KCNQ1: variants seen among roughly 807,000 people sequenced by gnomAD.
The protein encoded by KCNQ1 is potassium voltage-gated channel subfamily KQT member 1.
KCNQ1 carries 49 observed loss-of-function variants against 72.4 expected under a neutral mutation model. That is an observed-to-expected ratio of 0.68 (90% CI 0.54 to 0.86). The LOEUF (loss-of-function observed/expected upper bound fraction) is 0.86, where lower values mean the gene tolerates loss of function less well. Among genes scored for constraint, KCNQ1 ranks in the 40% least tolerant of loss-of-function variants. The probability of loss-of-function intolerance (pLI) is 0.00; values close to 1 mark genes in which losing one functional copy is unlikely to be tolerated. For synonymous variants in KCNQ1, 450 were observed against 412.6 expected, an observed-to-expected ratio of 1.09 and a Z score of -1.10; for missense variants, 790 against 945.1, an observed-to-expected ratio of 0.84 and a Z score of 2.15.
rs1218172995 is a variant in KCNQ1, at chr11:2,457,054, A to T, written c.386+11570A>T. Among the ~76,000 whole-genome samples, 1 of 152,216 alleles carries T rather than the reference A, an allele frequency of 6.6e-6. No individual in the cohort carries two copies. The highest frequency in any genetic ancestry group is 1.9e-4 in the East Asian group (1 of 5,194). On this transcript the variant is annotated intron_variant, in intron 1 of 15. Coordinates refer to ENST00000155840, the MANE Select transcript of KCNQ1 (RefSeq NM_000218.3). The surrounding 1 kb of genome is among the most constrained non-coding windows in gnomAD (Gnocchi z 5.0). ...CAGTCAAACACATGAAAAAATGCTC[A>T]TCACTGATCATCAGAGAAATGCAAA...
chr11:2,576,788 C>T (rs1034180558), intron 6 of KCNQ1, among the ~76,000 whole-genome samples: 38 of 152,316 alleles, frequency 2.5e-4, no homozygotes, highest in Admixed American at 5.9e-4. Context: ...CACTGCCCAG[C>T]GGGAGGGGTG....
intron 6 of KCNQ1, among the ~76,000 whole-genome samples, chr11:2,580,749 C>T (rs946369078): frequency 1.3e-5 from 2 of 152,230 alleles, no homozygotes; most frequent in Non-Finnish European, 1.5e-5. Flanking sequence ...CCACCTTGGG[C>T]GCTGGTCTGC....
chr11:2,667,641 C>A (rs761500824), intron 11 of KCNQ1: 1 of 398,594 alleles, frequency 2.5e-6, no homozygotes, highest in South Asian at 1.3e-4. Context: ...CTGCTGATAC[C>A]TGAAAGGGGA....
At chr11:2,681,859 G>A in intron 11 of KCNQ1, 1 of 398,532 alleles carries the variant, frequency 2.5e-6, no homozygotes, top group East Asian at 3.6e-5. Flanking sequence ...TACTCCAAAG[G>A]AGGCCCAGCA....
At chr11:2,662,118 G>A in intron 11 of KCNQ1, 37 bp downstream of exon 11, 1 of 1,613,650 alleles carries the variant, frequency 6.2e-7, no homozygotes, top group Non-Finnish European at 8.5e-7. Flanking sequence ...CTGGGCTGGA[G>A]GGGACTGGAG....
intron 1 of KCNQ1, among the ~76,000 whole-genome samples, chr11:2,523,126 G>T (rs1017420851): frequency 2.6e-5 from 4 of 152,294 alleles, no homozygotes; most frequent in African/African-American, 9.6e-5. Context: ...CCTCACCTGC[G>T]GCCTGTGAGT....
At position 2,561,152 on chromosome 11, in the gene KCNQ1, G is replaced by A. The variant is rs568127669; in HGVS notation, c.478-9476G>A. On this transcript the variant is annotated intron_variant, in intron 2 of 15. Coordinates refer to ENST00000155840, the MANE Select transcript of KCNQ1 (RefSeq NM_000218.3). The stretch of plus-strand genomic sequence containing the variant: ...CAGGGGGTGGAGCCTGCAGTGAGCC[G>A]AGATTGCGCCACTGCACTCCAGCCT... Among the ~76,000 whole-genome samples, 232 of 149,516 alleles carry A rather than the reference G, an allele frequency of 1.6e-3. 1 individual carries two copies. Among genetic ancestry groups the A allele is most frequent in the Middle Eastern group, 0.01 (3 of 290 alleles).
chr11:2,517,900 C>T (rs1275157711), intron 1 of KCNQ1, among the ~76,000 whole-genome samples: 1 of 152,226 alleles, frequency 6.6e-6, no homozygotes, highest in East Asian at 1.9e-4. Context: ...AGTACCACGT[C>T]CTGCTCAAAG....
At chr11:2,524,294 GC>G (rs1371416523) in intron 1 of KCNQ1, among the ~76,000 whole-genome samples, 3 of 152,160 alleles carry the variant, frequency 2.0e-5, no homozygotes, top group Non-Finnish European at 4.4e-5. Context: ...GGTCAAAGGG[GC>G]CCAGGGCCCA....
At chr11:2,551,265 C>A (rs749282062) in intron 2 of KCNQ1, among the ~76,000 whole-genome samples, 64 of 152,292 alleles carry the variant, frequency 4.2e-4, no homozygotes, top group Non-Finnish European at 8.5e-4. Context: ...TACCCACTGG[C>A]GGCTAGCCCC....
chr11:2,577,148 G>A (rs576416163), intron 6 of KCNQ1, among the ~76,000 whole-genome samples: 18 of 152,308 alleles, frequency 1.2e-4, no homozygotes, highest in Non-Finnish European at 1.8e-4. Flanking sequence ...CTGGGTCTCC[G>A]TTTGTGGACT....
chr11:2,709,220 G>GT, intron 11 of KCNQ1, among the ~76,000 whole-genome samples: 1 of 130,142 alleles, frequency 7.7e-6, no homozygotes, highest in Non-Finnish European at 1.6e-5. Context: ...CGGCTTCCAG[G>GT]CCCCCCCCAC....
rs771159001 is a variant in KCNQ1 at position 2,464,488 on chromosome 11, G to A, written c.386+19004G>A. ...GTGATTTGACCTAGGAGAGTGCCGGGGTGGGGGCAGGTGCACTGTGGTCCT... is the reference window on the plus strand; with the variant it reads ...GTGATTTGACCTAGGAGAGTGCCGGAGTGGGGGCAGGTGCACTGTGGTCCT... On this transcript the variant is annotated intron_variant, in intron 1 of 15. Transcript: ENST00000155840. This position sits in a 1 kb window ranked among gnomAD's most constrained non-coding sequence, Gnocchi z 5.0. Among the ~76,000 whole-genome samples the A allele has an allele frequency of 6.6e-6, 1 of 152,156 alleles. No individual in the cohort carries two copies. The highest frequency in any genetic ancestry group is 1.5e-5 in the Non-Finnish European group (1 of 68,032).
chr11:2,753,432 G>C (rs1161508278), intron 11 of KCNQ1, among the ~76,000 whole-genome samples: 1 of 152,134 alleles, frequency 6.6e-6, no homozygotes, highest in African/African-American at 2.4e-5. Context: ...TCCCAGAAAA[G>C]GCATGTGCCC....
chr11:2,570,150 C>T (rs1848306115), intron 2 of KCNQ1, among the ~76,000 whole-genome samples: 1 of 152,162 alleles, frequency 6.6e-6, no homozygotes. Context: ...CGTGGGACGC[C>T]CTCTGGCCCA....
At chr11:2,736,725 C>T (rs1294389286) in intron 11 of KCNQ1, among the ~76,000 whole-genome samples, 1 of 152,254 alleles carries the variant, frequency 6.6e-6, no homozygotes, top group Non-Finnish European at 1.5e-5. Context: ...GGCGGCTTCC[C>T]ATTTCACCTG....
intron 2 of KCNQ1, among the ~76,000 whole-genome samples, chr11:2,555,561 C>T (rs2133700122): frequency 6.6e-6 from 1 of 152,356 alleles, no homozygotes. Context: ...AATTGCAGGG[C>T]AGCCGGCTTG....
At position 2,652,796 on chromosome 11, in the gene KCNQ1, C is replaced by T. The variant is rs185878088; in HGVS notation, c.1394-9165C>T. On this transcript the variant is annotated intron_variant, in intron 10 of 15. Coordinates refer to ENST00000155840, the MANE Select transcript of KCNQ1 (RefSeq NM_000218.3). This position sits in a 1 kb window ranked among gnomAD's most constrained non-coding sequence, Gnocchi z 5.9. ...CAGCGCCCCCGCTACTCAGACCCCA[C>T]CCTTGGGCCTGCAGAGACATTTCCG... The T allele has an allele frequency of 2.0e-5, 8 of 398,968 alleles. No individual in the cohort carries two copies. The highest frequency in any genetic ancestry group is 3.5e-5 in the Non-Finnish European group (8 of 226,466). The allele number at this position is 398,968 out of a possible 1,614,324, so 24.7% of individuals were successfully genotyped here. A position where few individuals can be genotyped will look rare whatever the true frequency, so the allele number is the denominator to read the frequency against.
intron 2 of KCNQ1, among the ~76,000 whole-genome samples, chr11:2,557,900 G>A (rs760496848): frequency 2.0e-5 from 3 of 152,120 alleles, no homozygotes; most frequent in Non-Finnish European, 2.9e-5. Flanking sequence ...TTATGTCTGC[G>A]GAACACTTAC....
Sources: allele counts gnomAD v4.1 joint callset (sites outside exome capture counted in the v4.1 genomes callset), GRCh38; gene constraint gnomAD v4.1.1; non-coding constraint Gnocchi (gnomAD v3.1); transcripts MANE v1.5; gene names NCBI Gene and HGNC (gene_info 2026-07-23, HGNC 2026-07-21).